The following KCNN2 variants were observed in gnomAD, a reference collection of about 807,000 sequenced individuals.
KCNN2 encodes small conductance calcium-activated potassium channel protein 2.
KCNN2 carries 24 observed loss-of-function variants against 55.5 expected under a neutral mutation model. That is an observed-to-expected ratio of 0.43 (90% CI 0.31 to 0.61). The LOEUF is 0.61. KCNN2 is among the 20% of genes least tolerant of loss of function. KCNN2 has a pLI of 0.08. For synonymous variants in KCNN2, 431 were observed against 336.1 expected (o/e 1.28, Z -3.09); for missense variants, 754 against 853.6 (o/e 0.88, Z 1.45).
chr5:114,095,914 A>G (rs140169110), intron 1 of KCNN2, among the ~76,000 whole-genome samples: 1 of 152,268 alleles, frequency 6.6e-6, no homozygotes, highest in African/African-American at 2.4e-5. Flanking sequence ...TTACATTTAT[A>G]TATGCCAGTC....
intron 1 of KCNN2, among the ~76,000 whole-genome samples, chr5:114,218,722 A>C (rs1292019684): frequency 6.6e-6 from 1 of 152,336 alleles, no homozygotes; most frequent in African/African-American, 2.4e-5. Flanking sequence ...AATGTAAACT[A>C]TGGACTTCGG....
At chr5:114,302,137 T>C (rs1756178799) in intron 2 of KCNN2, among the ~76,000 whole-genome samples, 1 of 152,232 alleles carries the variant, frequency 6.6e-6, no homozygotes. Context: ...AAAAGTACTC[T>C]TAGCTGGGTT....
intron 2 of KCNN2, among the ~76,000 whole-genome samples, chr5:114,310,999 C>A (rs1756381920): frequency 6.6e-6 from 1 of 152,062 alleles, no homozygotes; most frequent in Admixed American, 6.6e-5. Context: ...CAGTTTCCTG[C>A]CTCATACAAG....
At chr5:114,058,770 A>C (rs1444835923) in intron 1 of KCNN2, among the ~76,000 whole-genome samples, 1 of 152,188 alleles carries the variant, frequency 6.6e-6, no homozygotes, top group Non-Finnish European at 1.5e-5. Context: ...AGTTTTAAGC[A>C]GTGAAGAGAT....
At chr5:114,102,307 T>G (rs1751389774) in intron 1 of KCNN2, among the ~76,000 whole-genome samples, 1 of 152,118 alleles carries the variant, frequency 6.6e-6, no homozygotes, top group Non-Finnish European at 1.5e-5. Flanking sequence ...TGTGAATTTG[T>G]TGAAGTTCTT....
chr5:114,349,586 C>G (rs1757171692), intron 2 of KCNN2, among the ~76,000 whole-genome samples: 1 of 152,010 alleles, frequency 6.6e-6, no homozygotes, highest in South Asian at 2.1e-4. Context: ...ATCAGAAACA[C>G]TCTGATCCCA....
chr5:114,357,216 A>C (rs1215751379), upstream of KCNN2, among the ~76,000 whole-genome samples: 1 of 152,056 alleles, frequency 6.6e-6, no homozygotes, highest in Non-Finnish European at 1.5e-5. Flanking sequence ...CATAGACAAT[A>C]CTATAAAGAA....
chr5:114,210,782 G>A (rs940362548), intron 1 of KCNN2, among the ~76,000 whole-genome samples: 1 of 152,150 alleles, frequency 6.6e-6, no homozygotes, highest in African/African-American at 2.4e-5. Flanking sequence ...AATGTTCACT[G>A]TTTTATTAGT....
At chr5:114,340,631 A>T (rs1481915085) in intron 2 of KCNN2, among the ~76,000 whole-genome samples, 1 of 151,302 alleles carries the variant, frequency 6.6e-6, no homozygotes, top group Non-Finnish European at 1.5e-5. Context: ...TAATTAACAT[A>T]TCCATCACCT....
At chr5:114,259,194 C>G (rs543607924) in intron 2 of KCNN2, among the ~76,000 whole-genome samples, 1 of 152,334 alleles carries the variant, frequency 6.6e-6, no homozygotes, top group Middle Eastern at 3.4e-3. Flanking sequence ...AGCACGTGTT[C>G]TGGTTTCCTT....
intron 2 of KCNN2, among the ~76,000 whole-genome samples, chr5:114,316,886 A>G (rs936177074): frequency 1.3e-5 from 2 of 152,306 alleles, no homozygotes; most frequent in East Asian, 1.9e-4. Flanking sequence ...TGCACAAGAA[A>G]AAGGCAAGGA....
intron 1 of KCNN2, among the ~76,000 whole-genome samples, chr5:114,140,783 T>G (rs929690475): frequency 6.8e-6 from 1 of 147,682 alleles, no homozygotes; most frequent in Non-Finnish European, 1.5e-5. Context: ...TTATTATTAT[T>G]ATTATTATTA....
intron 2 of KCNN2, among the ~76,000 whole-genome samples, chr5:114,296,918 T>A (rs1318587156): frequency 6.6e-6 from 1 of 152,222 alleles, no homozygotes; most frequent in Non-Finnish European, 1.5e-5. Flanking sequence ...CATTTAGTCA[T>A]AATTCTATTT....
At chr5:114,072,706 G>A (rs984620214) in intron 1 of KCNN2, among the ~76,000 whole-genome samples, 6 of 152,078 alleles carry the variant, frequency 3.9e-5, no homozygotes, top group African/African-American at 1.4e-4. Context: ...CAACTAAACC[G>A]CTTGGGTTCC....
At position 114,249,606 on chromosome 5, in the gene KCNN2, G is replaced by T. The variant is rs556150490; in HGVS notation, c.-185+28041G>T. Among the ~76,000 whole-genome samples the T allele has an allele frequency of 2.4e-4, 37 of 151,662 alleles. 1 individual carries two copies. In the East Asian group the frequency reaches 6.0e-3, roughly 25 times the overall value. On this transcript the variant is annotated intron_variant, in intron 2 of 10. Coordinates refer to the KCNN2 transcript ENST00000512097. ...CTGGCCCTCAGTACATTTCTAAAAA[G>T]AATTTTTTCTCTGACAATATTATGA... is the stretch of plus-strand genomic sequence containing the variant.
intron 1 of KCNN2, among the ~76,000 whole-genome samples, chr5:114,098,317 C>T (rs1237818856): frequency 6.6e-6 from 1 of 151,932 alleles, no homozygotes; most frequent in Non-Finnish European, 1.5e-5. Context: ...CTTTAGGGAC[C>T]ATTGTTTGGT....
rs549522487 is a variant in KCNN2, at chr5:114,179,355, C to G, written c.-270-42125C>G. Among the ~76,000 whole-genome samples the G allele has an allele frequency of 3.9e-5, 6 of 152,260 alleles. No homozygotes were observed. In the South Asian group the frequency reaches 1.2e-3, roughly 32 times the overall value. On this transcript the variant is annotated intron_variant, in intron 1 of 10. Coordinates refer to the KCNN2 transcript ENST00000512097. The stretch of plus-strand genomic sequence containing the variant: ...CAGTTCCTTTCCACATGTGCTTCTC[C>G]GTAGGGCTGATCACAGCCTGGGAGC...
chr5:114,209,109 T>G (rs1242139342), intron 1 of KCNN2, among the ~76,000 whole-genome samples: 1 of 151,352 alleles, frequency 6.6e-6, no homozygotes, highest in Non-Finnish European at 1.5e-5. Context: ...CAGGCTGGAG[T>G]GCAGTGGCAC....
chr5:114,136,154 C>T (rs1484176748), intron 1 of KCNN2, among the ~76,000 whole-genome samples: 1 of 152,096 alleles, frequency 6.6e-6, no homozygotes, highest in Admixed American at 6.6e-5. Flanking sequence ...AATAAAAGGA[C>T]CTTGCAATAG....
Sources: allele counts gnomAD v4.1 joint callset (sites outside exome capture counted in the v4.1 genomes callset), GRCh38; gene constraint gnomAD v4.1.1; transcripts MANE v1.5; gene names NCBI Gene and HGNC (gene_info 2026-07-23, HGNC 2026-07-21).